BLCAP: variants seen among roughly 807,000 people sequenced by gnomAD.
BLCAP encodes BLCAP apoptosis inducing factor.
In BLCAP, 1 loss-of-function variant was observed where a neutral mutation model predicts 5.7. That is an observed-to-expected ratio of 0.18 (90% CI 0.06 to 0.83). The LOEUF (loss-of-function observed/expected upper bound fraction) is 0.83, where lower values mean the gene tolerates loss of function less well. Among genes scored for constraint, BLCAP ranks in the 40% least tolerant of loss-of-function variants. The pLI is 0.71. For synonymous variants in BLCAP, 48 were observed against 49.4 expected (o/e 0.97, Z 0.11); for missense variants, 66 against 107.6 (o/e 0.61, Z 1.71).
chr20:37,522,598 G>GGGCCC, intron 1 of BLCAP: 1 of 864,390 alleles, frequency 1.2e-6, no homozygotes, highest in Non-Finnish European at 1.7e-6. Flanking sequence ...GCGGGGGTGG[G>GGGCCC]CACGGCAGCA....
chr20:37,521,470 C>A lies in BLCAP; in HGVS notation c.-176-2120G>T, dbSNP rs149524096. 1.2e-5 allele frequency: 18 copies of A among 1,483,220 alleles called. No individual in the cohort carries two copies. In the East Asian group the frequency reaches 1.6e-4, roughly 13 times the overall value. The allele number at this position is 1,483,220 out of a possible 1,614,324, so 91.9% of individuals were successfully genotyped here. Reference sequence around the variant, plus strand: ...CGCGCCCCTAGAACCCGCAAGACTGCGTCGCGATTGCCGCTTCCCGGACCC... The same window carrying A: ...CGCGCCCCTAGAACCCGCAAGACTGAGTCGCGATTGCCGCTTCCCGGACCC... On this transcript the variant is annotated intron_variant, in intron 1 of 1. Coordinates refer to ENST00000373537, the MANE Select transcript of BLCAP (RefSeq NM_006698.4). This position sits in a 1 kb window ranked among gnomAD's most constrained non-coding sequence, Gnocchi z 4.5.
chr20:37,522,503 TC>T, intron 1 of BLCAP: 1 of 1,516,388 alleles, frequency 6.6e-7, no homozygotes, highest in Non-Finnish European at 9.1e-7. Context: ...TTGGAAAAGC[TC>T]CAGCTGCCCT....
chr20:37,517,679 C>T lies in BLCAP; in HGVS notation c.*1232G>A, dbSNP rs972801331. 2 of 152,626 alleles carry T rather than the reference C, an allele frequency of 1.3e-5. No individual in the cohort carries two copies. Among genetic ancestry groups the T allele is most frequent in the Non-Finnish European group, 2.9e-5 (2 of 68,062 alleles). The allele number at this position is 152,626 out of a possible 1,614,324, so 9.5% of individuals were successfully genotyped here. On this transcript the variant is annotated 3_prime_UTR_variant, in exon 2 of 2. Coordinates refer to ENST00000373537, the MANE Select transcript of BLCAP (RefSeq NM_006698.4). Reference sequence around the variant, plus strand: ...CAGGAGAAAGTCTCGTTTGCCAACACTTGTTACTGAAGCGCAGAAAAAGCA... The same window carrying T: ...CAGGAGAAAGTCTCGTTTGCCAACATTTGTTACTGAAGCGCAGAAAAAGCA...
intron 1 of BLCAP, chr20:37,522,904 GT>G: frequency 1.6e-6 from 1 of 644,670 alleles, no homozygotes; most frequent in East Asian, 2.8e-5. Context: ...TGAGGGGCCA[GT>G]AGACCCCCGG....
rs2071568661 is a variant in BLCAP, at chr20:37,521,460, C to T, written c.-176-2110G>A. The T allele has an allele frequency of 2.6e-6, 4 of 1,530,120 alleles. No individual in the cohort carries two copies. The highest frequency in any genetic ancestry group is 1.7e-5 in the Admixed American group (1 of 59,882). 94.8% of individuals were successfully genotyped at this position (1,530,120 alleles called of 1,614,324 possible). A position where few individuals can be genotyped will look rare whatever the true frequency, so the allele number is the denominator to read the frequency against. On this transcript the variant is annotated intron_variant, in intron 1 of 1. Transcript: ENST00000373537. This position sits in a 1 kb window ranked among gnomAD's most constrained non-coding sequence, Gnocchi z 4.5. The stretch of plus-strand genomic sequence containing the variant: ...GTTCCCAACTCGCGCCCCTAGAACC[C>T]GCAAGACTGCGTCGCGATTGCCGCT...
chr20:37,522,164 AAG>A (rs2071603254), intron 1 of BLCAP, among the ~76,000 whole-genome samples: 1 of 143,822 alleles, frequency 7.0e-6, no homozygotes. Context: ...ACTTCCAAAA[AAG>A]GACAATTGCT....
rs1042702234 is a variant in BLCAP at position 37,518,147 on chromosome 20, G to A, written c.*764C>T. On this transcript the variant is annotated 3_prime_UTR_variant, in exon 2 of 2. Transcript: ENST00000373537. Reference sequence around the variant, plus strand: ...AGAGCATGCACGGGAGACACAATGAGGCCCCCTCCTTGGGACAGTTGAGAA... The same window carrying A: ...AGAGCATGCACGGGAGACACAATGAAGCCCCCTCCTTGGGACAGTTGAGAA... 2 of 152,268 alleles carry A rather than the reference G, an allele frequency of 1.3e-5. No homozygotes were observed. The highest frequency in any genetic ancestry group is 1.3e-4 in the Admixed American group (2 of 15,282). The allele number at this position is 152,268 out of a possible 1,614,324, so 9.4% of individuals were successfully genotyped here.
Position 37,521,647 on chromosome 20 carries a change from G to T in BLCAP, c.-176-2297C>A. 1.9e-6 allele frequency: 1 copy of T among 518,448 alleles called. No homozygotes were observed. The highest frequency in any genetic ancestry group is 3.5e-6 in the Non-Finnish European group (1 of 288,364). 32.1% of individuals were successfully genotyped at this position (518,448 alleles called of 1,614,324 possible). ...AACAAAGACTCGGGGCGCGGCGGGC[G>T]ACCGCTGCGGACGATCACCCAGGCA... On this transcript the variant is annotated intron_variant, in intron 1 of 1. Coordinates refer to ENST00000373537, the MANE Select transcript of BLCAP (RefSeq NM_006698.4). The surrounding 1 kb of genome is among the most constrained non-coding windows in gnomAD (Gnocchi z 4.5).
chr20:37,522,258 C>T lies in BLCAP; in HGVS notation c.-176-2908G>A, dbSNP rs2071611915. ...TAAAAAGAGATAAATCAGAAGAAAG[C>T]GCTTTGCCCATAAAATCATTTACCC... On this transcript the variant is annotated intron_variant, in intron 1 of 1. Transcript: ENST00000373537. The T allele has an allele frequency of 5.2e-6, 4 of 770,026 alleles. No homozygotes were observed. In the South Asian group the frequency reaches 7.0e-5, roughly 13 times the overall value. The allele number at this position is 770,026 out of a possible 1,614,324, so 47.7% of individuals were successfully genotyped here.
At position 37,518,657 on chromosome 20, in the gene BLCAP, C is replaced by T. The variant is rs1024476304; in HGVS notation, c.*254G>A. The T allele has an allele frequency of 7.9e-5, 41 of 518,146 alleles. No individual in the cohort carries two copies. Among genetic ancestry groups the T allele is most frequent in the African/African-American group, 6.4e-4 (33 of 51,954 alleles). The allele number at this position is 518,146 out of a possible 1,614,324, so 32.1% of individuals were successfully genotyped here. A position where few individuals can be genotyped will look rare whatever the true frequency, so the allele number is the denominator to read the frequency against. On this transcript the variant is annotated 3_prime_UTR_variant, in exon 2 of 2. Transcript: ENST00000373537. Reference sequence around the variant, plus strand: ...TAATGAGGCGAGAGGGGTGGTCATGCGGCCAGCCAGGACCTAGATGGGGAC... The same window carrying T: ...TAATGAGGCGAGAGGGGTGGTCATGTGGCCAGCCAGGACCTAGATGGGGAC...
chr20:37,523,132 A>C, intron 1 of BLCAP: 1 of 207,960 alleles, frequency 4.8e-6, no homozygotes, highest in Non-Finnish European at 9.6e-6. Flanking sequence ...ATGGAAATCA[A>C]AACACCGCAC....
At chr20:37,520,058 T>C (rs886950031) in intron 1 of BLCAP, among the ~76,000 whole-genome samples, 1 of 152,278 alleles carries the variant, frequency 6.6e-6, no homozygotes, top group Non-Finnish European at 1.5e-5. Flanking sequence ...CTGAACTCGT[T>C]TGGATCATTA....
Position 37,521,280 on chromosome 20 carries a change from C to A in BLCAP, c.-176-1930G>T. The A allele has an allele frequency of 6.3e-7, 1 of 1,583,940 alleles. No homozygotes were observed. On this transcript the variant is annotated intron_variant, in intron 1 of 1. Transcript: ENST00000373537. This position sits in a 1 kb window ranked among gnomAD's most constrained non-coding sequence, Gnocchi z 4.5. Reference sequence around the variant, plus strand: ...GCCCAACAGCGGACTCCGAGACCAGCGGATCTCGGCAAACCCTCTTTCTCG... The same window carrying A: ...GCCCAACAGCGGACTCCGAGACCAGAGGATCTCGGCAAACCCTCTTTCTCG...
chr20:37,522,180 C>CA (rs34619095), intron 1 of BLCAP, among the ~76,000 whole-genome samples: 66,130 of 104,314 alleles, frequency 0.63, 16,329 homozygotes, highest in African/African-American at 0.67. Flanking sequence ...AATTGCTTTA[C>CA]AAAAAAAAAA....
Position 37,522,621 on chromosome 20 carries a change from T to C in BLCAP, c.-176-3271A>G, listed in dbSNP as rs897061339. On this transcript the variant is annotated intron_variant, in intron 1 of 1. Transcript: ENST00000373537. ...GGGCACGGCAGCACCACAGACATGC[T>C]GTGGGTGCTCTCCACTAAGGGTGGG... 2.6e-6 allele frequency: 4 copies of C among 1,538,760 alleles called. No homozygotes were observed. In the African/African-American group the frequency reaches 4.1e-5, roughly 16 times the overall value.
chr20:37,522,572 C>T (rs1015543993), intron 1 of BLCAP: 15 of 578,926 alleles, frequency 2.6e-5, no homozygotes, highest in African/African-American at 3.6e-5. Flanking sequence ...GATGGGCGGG[C>T]GGGGCAGGGG....
rs940965094 is a variant in BLCAP, at chr20:37,521,549, G to A, written c.-176-2199C>T. On this transcript the variant is annotated intron_variant, in intron 1 of 1. Transcript: ENST00000373537. This position sits in a 1 kb window ranked among gnomAD's most constrained non-coding sequence, Gnocchi z 4.5. ...CTGCCCAAGTGCCGCTGCCGGCACC[G>A]CGCGCCCCCTGCCCATTCCCTGCGC... 59 of 791,542 alleles carry A rather than the reference G, an allele frequency of 7.5e-5. No homozygotes were observed. The highest frequency in any genetic ancestry group is 1.1e-4 in the Non-Finnish European group (54 of 478,968). 49.0% of individuals were successfully genotyped at this position (791,542 alleles called of 1,614,324 possible).
chr20:37,522,319 AG>A (rs2071613515), intron 1 of BLCAP: 2 of 1,565,296 alleles, frequency 1.3e-6, no homozygotes, highest in African/African-American at 1.4e-5. Flanking sequence ...TCCCTGCTAA[AG>A]GAATCCTTTG....
In BLCAP at chr20:37,521,232, G is replaced by C. The variant is rs995453738; in HGVS notation, c.-176-1882C>G. On this transcript the variant is annotated intron_variant, in intron 1 of 1. Coordinates refer to ENST00000373537, the MANE Select transcript of BLCAP (RefSeq NM_006698.4). This position sits in a 1 kb window ranked among gnomAD's most constrained non-coding sequence, Gnocchi z 4.5. Reference sequence around the variant, plus strand: ...GGTGGCGGGCGGGTACTTAAGGCGCGGCCACCGCGGCTGCGGCAGTGCGCC... The same window carrying C: ...GGTGGCGGGCGGGTACTTAAGGCGCCGCCACCGCGGCTGCGGCAGTGCGCC... 23 of 1,272,670 alleles carry C rather than the reference G, an allele frequency of 1.8e-5. No homozygotes were observed. The highest frequency in any genetic ancestry group is 2.4e-5 in the Non-Finnish European group (21 of 875,626). 78.8% of individuals were successfully genotyped at this position (1,272,670 alleles called of 1,614,324 possible).
Sources: allele counts gnomAD v4.1 joint callset (sites outside exome capture counted in the v4.1 genomes callset), GRCh38; gene constraint gnomAD v4.1.1; non-coding constraint Gnocchi (gnomAD v3.1); transcripts MANE v1.5; gene names NCBI Gene and HGNC (gene_info 2026-07-23, HGNC 2026-07-21).